L3MBTL3: variants seen among roughly 807,000 people sequenced by gnomAD.
L3MBTL3 encodes lethal(3)malignant brain tumor-like protein 3.
L3MBTL3 carries 27 observed loss-of-function variants against 102.3 expected under a neutral mutation model. The observed-to-expected ratio is 0.26, with a 90% CI of 0.19 to 0.36. L3MBTL3 has a LOEUF of 0.36. L3MBTL3 is among the 10% of genes least tolerant of loss of function. The pLI, the probability that L3MBTL3 is intolerant of heterozygous loss-of-function variation, is 1.00. For missense variants in L3MBTL3, 798 were observed against 955.3 expected (o/e 0.84, Z 2.17); for synonymous variants, 340 against 320.9 (o/e 1.06, Z -0.64).
Position 130,097,905 on chromosome 6 carries a change from C to T in L3MBTL3, c.1736+3538C>T, listed in dbSNP as rs145614562. ...CAACGTGAAGAAACCCCATCTCTAC[C>T]AAAAATACAAAATTAGCCGGATGTG... On this transcript the variant is annotated intron_variant, in intron 18 of 22. Transcript: ENST00000361794. Among the ~76,000 whole-genome samples, 757 of 151,984 alleles carry T rather than the reference C, an allele frequency of 5.0e-3. 2 individuals carry two copies. In the Middle Eastern group the frequency reaches 0.051, roughly 10 times the overall value.
At chr6:130,058,360 G>C (rs935530837) in intron 9 of L3MBTL3, among the ~76,000 whole-genome samples, 5 of 151,956 alleles carry the variant, frequency 3.3e-5, no homozygotes, top group African/African-American at 1.2e-4. Flanking sequence ...GGGTCCGGGT[G>C]TGGTGGCACA....
Position 130,094,326 on chromosome 6 carries a change from G to A in L3MBTL3, c.1695G>A (p.Gly565=). 6.2e-7 allele frequency: 1 copy of A among 1,613,882 alleles called. No individual in the cohort carries two copies. The highest frequency in any genetic ancestry group is 8.5e-7 in the Non-Finnish European group (1 of 1,179,836). ...HGGCSTPGCK[G]IGHFKRARHL... ...GATGCTCAACCCCGGGATGTAAAGG[G>A]ATTGGCCATTTCAAGAGAGCGAGAC... The change falls in exon 18 of 23, where the codon GGG becomes GGA. Residue 565 remains glycine, a synonymous_variant. Transcript: ENST00000361794.
chr6:130,020,814 G>C (rs1418803598), intron 1 of L3MBTL3: 1 of 151,094 alleles, frequency 6.6e-6, no homozygotes, highest in Non-Finnish European at 1.5e-5. Flanking sequence ...TGTGAGCACG[G>C]CCCTCCCCCT....
intron 2 of L3MBTL3, among the ~76,000 whole-genome samples, chr6:130,028,197 A>G (rs1335313435): frequency 6.6e-6 from 1 of 152,134 alleles, no homozygotes; most frequent in African/African-American, 2.4e-5. Flanking sequence ...AAGGGCAGGA[A>G]GTTGAGATTT....
intron 17 of L3MBTL3, 80 bp downstream of exon 17, chr6:130,092,939 T>C: frequency 1.2e-6 from 1 of 843,308 alleles, no homozygotes; most frequent in East Asian, 2.5e-5. Flanking sequence ...AGCCCTTTCT[T>C]TTTCTCCTCC....
At chr6:130,023,005 A>G (rs1779106934) in intron 2 of L3MBTL3, among the ~76,000 whole-genome samples, 1 of 152,186 alleles carries the variant, frequency 6.6e-6, no homozygotes, top group Non-Finnish European at 1.5e-5. Flanking sequence ...CCATCTCTGA[A>G]GGTAGAACAT....
rs556439847 is a variant in L3MBTL3, at chr6:130,021,862, T to C, written c.-94-365T>C. ...AGTCCTTAAATACATGGGCAAAAAT[T>C]TTATGTAATATCTATTCTTTTTCCA... On this transcript the variant is annotated intron_variant, in intron 1 of 22. Coordinates refer to ENST00000361794, the MANE Select transcript of L3MBTL3 (RefSeq NM_032438.4). Among the ~76,000 whole-genome samples the C allele has an allele frequency of 3.9e-5, 6 of 152,336 alleles. No homozygotes were observed. In the East Asian group the frequency reaches 9.6e-4, roughly 24 times the overall value.
chr6:130,077,615 G>T (rs1204048614), intron 13 of L3MBTL3, among the ~76,000 whole-genome samples: 2 of 152,208 alleles, frequency 1.3e-5, no homozygotes, highest in Non-Finnish European at 2.9e-5. Flanking sequence ...TTCGTTGACT[G>T]TGTGCTAATC....
chr6:130,029,368 C>T (rs1427940230), intron 2 of L3MBTL3, among the ~76,000 whole-genome samples: 1 of 152,196 alleles, frequency 6.6e-6, no homozygotes, highest in African/African-American at 2.4e-5. Context: ...GCCTGTGTAC[C>T]AGCTCTCTTG....
At chr6:130,129,996 T>C (rs893864830) in intron 20 of L3MBTL3, among the ~76,000 whole-genome samples, 1 of 152,172 alleles carries the variant, frequency 6.6e-6, no homozygotes, top group Non-Finnish European at 1.5e-5. Context: ...TCATAGGAGG[T>C]GGCATGCTGT....
At chr6:130,076,539 A>C (rs1031893607) in intron 13 of L3MBTL3, among the ~76,000 whole-genome samples, 1 of 152,146 alleles carries the variant, frequency 6.6e-6, no homozygotes, top group African/African-American at 2.4e-5. Flanking sequence ...AGCAGTCATT[A>C]TGAATAATTT....
At chr6:130,097,621 G>T (rs868066794) in intron 18 of L3MBTL3, among the ~76,000 whole-genome samples, 1 of 152,154 alleles carries the variant, frequency 6.6e-6, no homozygotes, top group Non-Finnish European at 1.5e-5. Context: ...ATCTGTAGGG[G>T]TATTCAGGAG....
At chr6:130,053,951 A>G (rs764995296) in intron 7 of L3MBTL3, among the ~76,000 whole-genome samples, 13 of 152,210 alleles carry the variant, frequency 8.5e-5, no homozygotes, top group Non-Finnish European at 1.5e-4. Flanking sequence ...TAGTTAATCT[A>G]CAAACAAAAT....
rs573423060 is a variant in L3MBTL3 at position 130,082,486 on chromosome 6, G to A, written c.1322-1134G>A. ...ATCAGTGAGTTATAATTGATTGCTA[G>A]CATTATATATCTTCATATTCAGATT... On this transcript the variant is annotated intron_variant, in intron 14 of 22. Transcript: ENST00000361794. Among the ~76,000 whole-genome samples the A allele has an allele frequency of 1.3e-3, 198 of 152,126 alleles. 1 individual carries two copies. The highest frequency in any genetic ancestry group is 1.3e-3 in the Non-Finnish European group (87 of 68,022).
intron 2 of L3MBTL3, among the ~76,000 whole-genome samples, chr6:130,030,583 C>T (rs1330348698): frequency 7.2e-6 from 1 of 138,434 alleles, no homozygotes; most frequent in Non-Finnish European, 1.5e-5. Context: ...GGGAGAATGG[C>T]GTGAACCTGG....
chr6:130,116,184 A>T lies in L3MBTL3; in HGVS notation c.1887-4695A>T, dbSNP rs549121293. Among the ~76,000 whole-genome samples the T allele has an allele frequency of 2.6e-5, 4 of 152,348 alleles. No individual in the cohort carries two copies. In the South Asian group the frequency reaches 8.3e-4, roughly 32 times the overall value. On this transcript the variant is annotated intron_variant, in intron 19 of 22. Transcript: ENST00000361794. ...TTTTATCCTACAATATAAGTAATTT[A>T]TAACTAGGAATAGCTGCTGTGCATC...
chr6:130,095,983 T>G (rs146236813), intron 18 of L3MBTL3, among the ~76,000 whole-genome samples: 14 of 152,346 alleles, frequency 9.2e-5, no homozygotes, highest in African/African-American at 3.4e-4. Flanking sequence ...TCAGTAAATA[T>G]TTTCGAGCAG....
At chr6:130,033,332 A>T (rs1584285798) in intron 2 of L3MBTL3, among the ~76,000 whole-genome samples, 1 of 152,100 alleles carries the variant, frequency 6.6e-6, no homozygotes, top group East Asian at 1.9e-4. Flanking sequence ...GTCATTCTGC[A>T]CCAAGTTTGA....
chr6:130,122,833 C>G (rs964930457), intron 20 of L3MBTL3, among the ~76,000 whole-genome samples: 2 of 152,122 alleles, frequency 1.3e-5, no homozygotes, highest in African/African-American at 4.8e-5. Flanking sequence ...CTGTTTGTGC[C>G]TCAGTTTCGT....
Sources: gnomAD v4.1 joint callset for allele counts (sites outside exome capture counted in the v4.1 genomes callset) on GRCh38, gnomAD v4.1.1 for gene constraint, MANE v1.5 for transcripts, NCBI Gene and HGNC (gene_info 2026-07-23, HGNC 2026-07-21) for gene names.